The following OXCT1 variants were observed in gnomAD, a reference collection of about 807,000 sequenced individuals.
The protein encoded by OXCT1 is succinyl-CoA:3-ketoacid coenzyme A transferase 1, mitochondrial.
Under a neutral mutation model 69.6 loss-of-function variants are expected in OXCT1, and 27 were observed. The ratio of observed to expected loss-of-function variants is 0.39; its 90% confidence interval spans 0.29 to 0.54. The LOEUF (loss-of-function observed/expected upper bound fraction) is 0.54. Among genes scored for constraint, OXCT1 ranks in the 20% least tolerant of loss-of-function variants. The probability of loss-of-function intolerance (pLI) is 0.72; values close to 1 mark genes in which losing one functional copy is unlikely to be tolerated. For missense variants in OXCT1, 437 were observed against 650.2 expected, an observed-to-expected ratio of 0.67 and a Z score of 3.57; for synonymous variants, 202 against 217.8, an observed-to-expected ratio of 0.93 and a Z score of 0.64.
chr5:41,860,858 T>C (rs1409200079), intron 3 of OXCT1, among the ~76,000 whole-genome samples: 1 of 152,104 alleles, frequency 6.6e-6, no homozygotes, highest in Non-Finnish European at 1.5e-5. Flanking sequence ...TGATTAATGG[T>C]ATCCCTTTAT....
At chr5:41,807,465 G>A in intron 7 of OXCT1, 27 bp from the exon 8 acceptor site, 1 of 1,283,148 alleles carries the variant, frequency 7.8e-7, no homozygotes, top group Non-Finnish European at 1.1e-6. Context: ...TTCTTTCAAA[G>A]TTAGTGAAAG....
intron 15 of OXCT1, among the ~76,000 whole-genome samples, chr5:41,742,501 C>T (rs760422531): frequency 2.6e-5 from 4 of 152,148 alleles, no homozygotes; most frequent in Non-Finnish European, 4.4e-5. Context: ...TTTTATTACA[C>T]TTTAAGTTTT....
At chr5:41,850,400 G>A (rs951084206) in intron 4 of OXCT1, among the ~76,000 whole-genome samples, 4 of 152,094 alleles carry the variant, frequency 2.6e-5, no homozygotes, top group Admixed American at 6.5e-5. Flanking sequence ...AAATGTAACC[G>A]CTTATTTGTA....
At chr5:41,813,667 C>T (rs953814538) in intron 7 of OXCT1, among the ~76,000 whole-genome samples, 5 of 151,892 alleles carry the variant, frequency 3.3e-5, no homozygotes, top group African/African-American at 7.3e-5. Context: ...GACAGTCTGA[C>T]GCTCATGCCT....
intron 13 of OXCT1, among the ~76,000 whole-genome samples, chr5:41,772,954 G>A (rs1214397761): frequency 6.6e-6 from 1 of 152,178 alleles, no homozygotes; most frequent in Non-Finnish European, 1.5e-5. Context: ...CATCCTCCTT[G>A]TGAGAATGAC....
intron 15 of OXCT1, among the ~76,000 whole-genome samples, chr5:41,742,550 T>TAAC (rs1285148545): frequency 6.6e-6 from 1 of 152,236 alleles, no homozygotes; most frequent in African/African-American, 2.4e-5. Context: ...GTTACATATG[T>TAAC]ATGCATGTGC....
At chr5:41,739,650 G>A (rs1743061292) in intron 15 of OXCT1, 159 bp from the exon 16 acceptor site, 1 of 614,562 alleles carries the variant, frequency 1.6e-6, no homozygotes. Context: ...TGGATCACAA[G>A]GTCAGGAGAT....
chr5:41,733,048 G>T (rs902542754), intron 16 of OXCT1, among the ~76,000 whole-genome samples: 26 of 152,020 alleles, frequency 1.7e-4, no homozygotes, highest in Non-Finnish European at 3.5e-4. Context: ...AAATGAGAAC[G>T]CATTATGACT....
rs534407695 is a variant in OXCT1, at chr5:41,745,052, T to C, written c.1419+4475A>G. Among the ~76,000 whole-genome samples the C allele has an allele frequency of 3.3e-5, 5 of 152,226 alleles. No homozygotes were observed. In the East Asian group the frequency reaches 5.8e-4, roughly 18 times the overall value. ...AACTCAACTCTGCACCAAGCGGACC[T>C]AATAGATACTACAGAACTCTCCACC... On this transcript the variant is annotated intron_variant, in intron 15 of 16. Coordinates refer to ENST00000196371, the MANE Select transcript of OXCT1 (RefSeq NM_000436.4).
intron 7 of OXCT1, among the ~76,000 whole-genome samples, chr5:41,833,369 A>C (rs907817900): frequency 6.6e-6 from 1 of 152,156 alleles, no homozygotes; most frequent in Non-Finnish European, 1.5e-5. Flanking sequence ...TAAAGGACTG[A>C]AGGAAAGAAA....
chr5:41,850,084 C>A lies in OXCT1; in HGVS notation c.510G>T (p.Ser170=), dbSNP rs751233853. 6.2e-7 allele frequency: 1 copy of A among 1,613,894 alleles called. No homozygotes were observed. The highest frequency in any genetic ancestry group is 2.2e-5 in the East Asian group (1 of 44,874). Residue 170 remains serine, a synonymous_variant, in exon 5 of 17, where the codon TCG becomes TCT. Coordinates refer to ENST00000196371, the MANE Select transcript of OXCT1 (RefSeq NM_000436.4). ...TGCCATCTTTGTTGTATTTGATGGGCGATCCTCCTTCTTGTACCAGGGTCC... is the reference window on the plus strand; with the variant it reads ...TGCCATCTTTGTTGTATTTGATGGGAGATCCTCCTTCTTGTACCAGGGTCC... ...GYGTLVQEGG[S]PIKYNKDGSV...
At chr5:41,840,310 T>G in intron 7 of OXCT1, 141 bp downstream of exon 7, 1 of 683,450 alleles carries the variant, frequency 1.5e-6, no homozygotes, top group Non-Finnish European at 2.6e-6. Flanking sequence ...TATATTTAGA[T>G]AGAATGGATC....
chr5:41,831,223 G>C (rs1217464926), intron 7 of OXCT1, among the ~76,000 whole-genome samples: 1 of 152,150 alleles, frequency 6.6e-6, no homozygotes, highest in East Asian at 1.9e-4. Context: ...AAAAAAGTTT[G>C]TCATCCCTGT....
At chr5:41,750,485 C>T (rs2112053081) in intron 14 of OXCT1, among the ~76,000 whole-genome samples, 1 of 152,092 alleles carries the variant, frequency 6.6e-6, no homozygotes, top group African/African-American at 2.4e-5. Context: ...AGTCAAGCAC[C>T]AGGAGCCTAA....
intron 13 of OXCT1, among the ~76,000 whole-genome samples, chr5:41,763,529 A>G (rs1009321858): frequency 6.6e-6 from 1 of 152,200 alleles, no homozygotes; most frequent in Non-Finnish European, 1.5e-5. Flanking sequence ...CGTACAAAAT[A>G]TAAATAAGTC....
chr5:41,762,348 C>CT lies in OXCT1; in HGVS notation c.1249-149dup. 1 of 731,520 alleles carries CT rather than the reference C, an allele frequency of 1.4e-6. No individual in the cohort carries two copies. The highest frequency in any genetic ancestry group is 1.5e-5 in the South Asian group (1 of 67,712). 45.3% of individuals were successfully genotyped at this position (731,520 alleles called of 1,614,324 possible). On this transcript the variant is annotated intron_variant, in intron 13 of 16. Coordinates refer to ENST00000196371, the MANE Select transcript of OXCT1 (RefSeq NM_000436.4). This position sits in a 1 kb window ranked among gnomAD's most constrained non-coding sequence, Gnocchi z 4.0. ...GCTTGAAGTTCTATAACCTAATATT[C>CT]TGTCACTCTATTATTCTGTGGTTGA...
chr5:41,849,984 G>A lies in OXCT1; in HGVS notation c.564+46C>T, dbSNP rs770728388. ...CCCAATGATCCACCCAAAATCCCAC[G>A]TGGAAAGAGGGATCCTGGTATAATC... On this transcript the variant is annotated intron_variant, in intron 5 of 16. Coordinates refer to ENST00000196371, the MANE Select transcript of OXCT1 (RefSeq NM_000436.4). 6.9e-6 allele frequency: 11 copies of A among 1,600,260 alleles called. No individual in the cohort carries two copies. The Admixed American group carries it at 8.3e-5, about 12-fold the overall frequency.
chr5:41,747,583 TGCTAGATTA>T lies in OXCT1; in HGVS notation c.1419+1935_1419+1943del, dbSNP rs139120858. ...AATTTGGGGAGGGATAGGGAAGACT[TGCTAGATTA>T]GCTAGATTAGGGAAGATTAGCTAGA... On this transcript the variant is annotated intron_variant, in intron 15 of 16. Coordinates refer to ENST00000196371, the MANE Select transcript of OXCT1 (RefSeq NM_000436.4). 4.3e-3 allele frequency among the ~76,000 whole-genome samples: 659 copies of T among 152,116 alleles called. 4 individuals are homozygous for T. The highest frequency in any genetic ancestry group is 0.014 in the Middle Eastern group (4 of 294).
At chr5:41,793,480 T>C (rs1300300498) in intron 13 of OXCT1, among the ~76,000 whole-genome samples, 1 of 152,216 alleles carries the variant, frequency 6.6e-6, no homozygotes, top group Admixed American at 6.5e-5. Context: ...AACTGTGCAT[T>C]TCATATTAAA....
Sources: gnomAD v4.1 joint callset for allele counts (sites outside exome capture counted in the v4.1 genomes callset) on GRCh38, gnomAD v4.1.1 for gene constraint, Gnocchi (gnomAD v3.1) non-coding constraint, MANE v1.5 for transcripts, NCBI Gene and HGNC (gene_info 2026-07-23, HGNC 2026-07-21) for gene names.